Variants in CFAP54 observed in about 807,000 individuals in gnomAD.
CFAP54 encodes the protein cilia and flagella associated protein 54.
CFAP54 carries 290 observed loss-of-function variants against 370.4 expected under a neutral mutation model. That is an observed-to-expected ratio of 0.78 (90% confidence interval 0.71 to 0.86). The LOEUF (loss-of-function observed/expected upper bound fraction) is 0.86. Ranked by LOEUF, CFAP54 falls within the 40% of genes least tolerant of loss-of-function variation. CFAP54 has a pLI of 0.00. For missense variants in CFAP54, 3,399 were observed against 3,528.7 expected, an observed-to-expected ratio of 0.96 and a Z score of 0.93; for synonymous variants, 1,206 against 1,236.5, an observed-to-expected ratio of 0.98 and a Z score of 0.52.
intron 64 of CFAP54, among the ~76,000 whole-genome samples, chr12:96,816,486 A>G (rs570518500): frequency 6.9e-4 from 105 of 152,312 alleles, no homozygotes; most frequent in Non-Finnish European, 1.3e-3. Context: ...AAGGCATACT[A>G]TATAAATTCA....
chr12:96,647,775 G>C, intron 33 of CFAP54, 100 bp from the exon 34 acceptor site: 1 of 1,058,488 alleles, frequency 9.4e-7, no homozygotes, highest in Admixed American at 3.6e-5. Context: ...AAATTTGGGA[G>C]TACTCACAAA....
intron 22 of CFAP54, among the ~76,000 whole-genome samples, chr12:96,581,644 T>C (rs982733995): frequency 5.9e-5 from 9 of 151,312 alleles, no homozygotes; most frequent in African/African-American, 2.2e-4. Flanking sequence ...TATTTTTGTG[T>C]ATCTATCTGC....
chr12:96,574,119 A>C (rs534985127), intron 19 of CFAP54, among the ~76,000 whole-genome samples: 1 of 152,314 alleles, frequency 6.6e-6, no homozygotes, highest in South Asian at 2.1e-4. Flanking sequence ...TAGTTTTATA[A>C]TCTCTGCTCC....
intron 35 of CFAP54, among the ~76,000 whole-genome samples, chr12:96,651,277 A>C (rs1484452071): frequency 6.6e-6 from 1 of 152,196 alleles, no homozygotes; most frequent in African/African-American, 2.4e-5. Context: ...GGGCAGACCC[A>C]GTTTCCCTTG....
At chr12:96,540,785 C>T in intron 13 of CFAP54, 52 bp from the exon 14 acceptor site, 4 of 1,189,930 alleles carry the variant, frequency 3.4e-6, no homozygotes, top group Non-Finnish European at 4.4e-6. Flanking sequence ...GTGACTGTTT[C>T]TACAGTTTCA....
intron 38 of CFAP54, among the ~76,000 whole-genome samples, chr12:96,660,929 A>G (rs1029055136): frequency 3.3e-5 from 5 of 152,142 alleles, no homozygotes; most frequent in African/African-American, 1.2e-4. Flanking sequence ...TCGCCAGTTT[A>G]TTATAAGGAA....
chr12:96,680,832 C>T (rs1349178842), intron 40 of CFAP54, among the ~76,000 whole-genome samples: 1 of 152,094 alleles, frequency 6.6e-6, no homozygotes, highest in African/African-American at 2.4e-5. Context: ...GCCTGTAATC[C>T]CAGCACTTTG....
intron 4 of CFAP54, among the ~76,000 whole-genome samples, chr12:96,512,703 A>G (rs898102293): frequency 6.6e-6 from 1 of 152,148 alleles, no homozygotes; most frequent in East Asian, 1.9e-4. Context: ...TGCCACTAGA[A>G]TTATTCTTTT....
At chr12:96,841,731 G>A (rs1010358193) in intron 66 of CFAP54, among the ~76,000 whole-genome samples, 14 of 152,170 alleles carry the variant, frequency 9.2e-5, no homozygotes, top group Admixed American at 7.9e-4. Flanking sequence ...TCGCCCTTGC[G>A]AACAAGTCAT....
At chr12:96,616,091 T>A (rs886661537) in intron 26 of CFAP54, among the ~76,000 whole-genome samples, 1 of 152,170 alleles carries the variant, frequency 6.6e-6, no homozygotes. Context: ...CTATTCACAA[T>A]AGCAAAGACT....
At chr12:96,734,784 C>T (rs2136632289) in intron 50 of CFAP54, among the ~76,000 whole-genome samples, 1 of 152,104 alleles carries the variant, frequency 6.6e-6, no homozygotes, top group Non-Finnish European at 1.5e-5. Context: ...CAACTGACTA[C>T]AAAGAAAAAT....
In CFAP54 at chr12:96,805,876, T is replaced by TTC. The variant is rs1471563343; in HGVS notation, c.8851-5860_8851-5859insTC. Reference sequence around the variant, plus strand: ...AGTAGAGGACTGGATAAAGAACTACTCAGCCATAAAAAATAATGAATCATG... The same window carrying TTC: ...AGTAGAGGACTGGATAAAGAACTACTTCCAGCCATAAAAAATAATGAATCATG... On this transcript the variant is annotated intron_variant, in intron 63 of 67. Coordinates refer to ENST00000524981, the MANE Select transcript of CFAP54 (RefSeq NM_001306084.2). Among the ~76,000 whole-genome samples, 4 of 151,860 alleles carry TTC rather than the reference T, an allele frequency of 2.6e-5. No individual in the cohort carries two copies. The East Asian group carries it at 7.7e-4, about 29-fold the overall frequency.
chr12:96,551,715 C>A (rs1955697009), intron 15 of CFAP54, among the ~76,000 whole-genome samples: 1 of 152,052 alleles, frequency 6.6e-6, no homozygotes, highest in Non-Finnish European at 1.5e-5. Context: ...AGCAACCATC[C>A]TTTAAAAAAA....
At chr12:96,718,009 A>T (rs1957704636) in intron 48 of CFAP54, among the ~76,000 whole-genome samples, 1 of 152,148 alleles carries the variant, frequency 6.6e-6, no homozygotes, top group African/African-American at 2.4e-5. Flanking sequence ...TGTGTTTTTT[A>T]AAAAATTATT....
intron 9 of CFAP54, 104 bp downstream of exon 9, chr12:96,527,548 TG>T (rs1955396768): frequency 1.2e-5 from 7 of 579,812 alleles, no homozygotes; most frequent in South Asian, 3.6e-5. Flanking sequence ...ACATTTATAT[TG>T]TTTTTTTTTT....
chr12:96,533,727 A>G, intron 9 of CFAP54, 65 bp from the exon 10 acceptor site: 1 of 1,214,978 alleles, frequency 8.2e-7, no homozygotes. Flanking sequence ...AAGTGTCTAT[A>G]GTGAATATTT....
chr12:96,766,207 TC>T (rs1346789740), intron 60 of CFAP54, among the ~76,000 whole-genome samples: 6 of 152,210 alleles, frequency 3.9e-5, no homozygotes, highest in African/African-American at 1.4e-4. Context: ...TTGGCTCTTT[TC>T]TGAAGCATAG....
At chr12:96,861,921 T>A (rs968218658) in intron 67 of CFAP54, among the ~76,000 whole-genome samples, 21 of 152,168 alleles carry the variant, frequency 1.4e-4, no homozygotes, top group African/African-American at 5.1e-4. Context: ...TGAATACTCA[T>A]GGTTTAAAAA....
intron 1 of CFAP54, among the ~76,000 whole-genome samples, chr12:96,500,623 A>T (rs935371808): frequency 6.6e-6 from 1 of 152,010 alleles, no homozygotes; most frequent in Non-Finnish European, 1.5e-5. Flanking sequence ...TAAAGTATCT[A>T]AAAAAAATAT....
Sources: allele counts gnomAD v4.1 joint callset (sites outside exome capture counted in the v4.1 genomes callset), GRCh38; gene constraint gnomAD v4.1.1; transcripts MANE v1.5; gene names NCBI Gene and HGNC (gene_info 2026-07-23, HGNC 2026-07-21).